Variants in STK24 observed in about 807,000 individuals in gnomAD.
STK24 encodes the protein serine/threonine-protein kinase 24.
In STK24, 21 loss-of-function variants were observed where a neutral mutation model predicts 55.6. The ratio of observed to expected loss-of-function variants is 0.38; its 90% confidence interval spans 0.27 to 0.54. The LOEUF is 0.54. Ranked by LOEUF, STK24 falls within the 20% of genes least tolerant of loss-of-function variation. The probability of loss-of-function intolerance (pLI) is 0.79; values close to 1 mark genes in which losing one functional copy is unlikely to be tolerated. For missense variants in STK24, 383 were observed against 538.4 expected, an observed-to-expected ratio of 0.71 and a Z score of 2.86; for synonymous variants, 200 against 215.2, an observed-to-expected ratio of 0.93 and a Z score of 0.62.
chr13:98,549,243 G>A (rs187520672), intron 1 of STK24, among the ~76,000 whole-genome samples: 224 of 152,278 alleles, frequency 1.5e-3, no homozygotes, highest in African/African-American at 4.5e-3. Flanking sequence ...AAACAACATC[G>A]ATTCATTGCT....
chr13:98,528,847 C>G (rs1896503646), intron 1 of STK24, among the ~76,000 whole-genome samples: 1 of 152,148 alleles, frequency 6.6e-6, no homozygotes, highest in Non-Finnish European at 1.5e-5. Context: ...TGCTCTAATA[C>G]CCGGTACTTC....
chr13:98,551,280 T>C (rs1897154358), intron 1 of STK24, among the ~76,000 whole-genome samples: 1 of 144,108 alleles, frequency 6.9e-6, no homozygotes, highest in Non-Finnish European at 1.5e-5. Context: ...AGTGAGACTC[T>C]GTCTCAAAAA....
intron 1 of STK24, among the ~76,000 whole-genome samples, chr13:98,548,332 T>C (rs913133885): frequency 6.6e-6 from 1 of 152,230 alleles, no homozygotes; most frequent in African/African-American, 2.4e-5. Context: ...TGGTGTGACC[T>C]GCAGCCTCAG....
At chr13:98,504,751 G>A (rs558775839) in intron 2 of STK24, among the ~76,000 whole-genome samples, 1 of 152,292 alleles carries the variant, frequency 6.6e-6, no homozygotes, top group African/African-American at 2.4e-5. Flanking sequence ...GGAGAGGAAG[G>A]GCTATTTTTC....
chr13:98,564,398 A>C (rs1300560582), intron 1 of STK24, among the ~76,000 whole-genome samples: 1 of 152,188 alleles, frequency 6.6e-6, no homozygotes, highest in Admixed American at 6.5e-5. Context: ...AGGCAGAGGA[A>C]GGCAAGCGGT....
At chr13:98,506,795 C>A (rs567814797) in intron 2 of STK24, among the ~76,000 whole-genome samples, 2 of 152,362 alleles carry the variant, frequency 1.3e-5, no homozygotes, top group South Asian at 4.1e-4. Context: ...TCCTGCTGAA[C>A]TACCCAATAA....
In STK24 at chr13:98,479,517, C is replaced by G. The variant is rs187437230; in HGVS notation, c.330+2748G>C. ...CCAGCTGAGGGATGCCCATGCCCAA[C>G]AGCAGACCTGGGCTCATCCCAGCCT... On this transcript the variant is annotated intron_variant, in intron 3 of 10. Coordinates refer to ENST00000539966, the MANE Select transcript of STK24 (RefSeq NM_001032296.4). Among the ~76,000 whole-genome samples the G allele has an allele frequency of 1.1e-4, 16 of 152,326 alleles. No individual in the cohort carries two copies. The East Asian group carries it at 3.1e-3, about 29-fold the overall frequency.
intron 10 of STK24, chr13:98,456,929 A>G (rs1453314613): frequency 1.0e-5 from 6 of 579,762 alleles, no homozygotes; most frequent in Non-Finnish European, 1.8e-5. Context: ...TTATGTGGCA[A>G]AAGCTACAAA....
chr13:98,505,311 C>G (rs1895644981), intron 2 of STK24, among the ~76,000 whole-genome samples: 1 of 152,216 alleles, frequency 6.6e-6, no homozygotes, highest in African/African-American at 2.4e-5. Context: ...CCAATGTTTT[C>G]CACTAAACAT....
At chr13:98,482,724 C>T (rs958602518) in intron 2 of STK24, among the ~76,000 whole-genome samples, 2 of 152,198 alleles carry the variant, frequency 1.3e-5, no homozygotes, top group East Asian at 1.9e-4. Flanking sequence ...AGAGCAGTGC[C>T]AAGGCAAGAC....
chr13:98,471,419 C>T (rs1456550605), intron 5 of STK24, among the ~76,000 whole-genome samples: 8 of 152,228 alleles, frequency 5.3e-5, no homozygotes, highest in Non-Finnish European at 1.0e-4. Context: ...CAGCCCAAGA[C>T]CTTTCTCTAG....
intron 6 of STK24, among the ~76,000 whole-genome samples, chr13:98,464,215 A>G (rs1224438266): frequency 6.6e-6 from 1 of 152,046 alleles, no homozygotes; most frequent in East Asian, 2.0e-4. Context: ...CAGGAGATCG[A>G]GACCACCCTG....
chr13:98,512,740 G>A (rs145118918), intron 2 of STK24, among the ~76,000 whole-genome samples: 1 of 152,126 alleles, frequency 6.6e-6, no homozygotes, highest in Non-Finnish European at 1.5e-5. Context: ...GGCAGGTGAG[G>A]ACCTCCAGTC....
chr13:98,477,207 C>T (rs1380996238), intron 3 of STK24, among the ~76,000 whole-genome samples: 1 of 152,218 alleles, frequency 6.6e-6, no homozygotes, highest in Admixed American at 6.5e-5. Flanking sequence ...CAGCTTTCTC[C>T]ACATCTATTT....
In STK24 at chr13:98,446,486, G is replaced by A. The variant is rs1055192546; in HGVS notation, c.*6687C>T. 2 of 648,630 alleles carry A rather than the reference G, an allele frequency of 3.1e-6. No homozygotes were observed. Among genetic ancestry groups the A allele is most frequent in the South Asian group, 1.9e-5 (1 of 52,744 alleles). The allele number at this position is 648,630 out of a possible 1,614,324, so 40.2% of individuals were successfully genotyped here. ...CTTTATCTACAGCTCAGTCCTGGCG[G>A]GACTTGCCACCCGGGCCATCACGTA... On this transcript the variant is annotated 3_prime_UTR_variant, in exon 11 of 11. Coordinates refer to ENST00000539966, the MANE Select transcript of STK24 (RefSeq NM_001032296.4).
intron 2 of STK24, 110 bp from the exon 3 acceptor site, chr13:98,482,431 A>G (rs1010300060): frequency 1.5e-5 from 9 of 618,422 alleles, no homozygotes; most frequent in Non-Finnish European, 2.3e-5. Flanking sequence ...AAAGTTTTAC[A>G]AACATGTACC....
At chr13:98,519,861 C>T (rs972581189) in intron 1 of STK24, among the ~76,000 whole-genome samples, 2 of 152,046 alleles carry the variant, frequency 1.3e-5, no homozygotes, top group Non-Finnish European at 2.9e-5. Context: ...TTCTCCATAC[C>T]CAATCCCCAA....
chr13:98,498,837 G>A (rs1895340966), intron 2 of STK24, among the ~76,000 whole-genome samples: 1 of 152,194 alleles, frequency 6.6e-6, no homozygotes, highest in South Asian at 2.1e-4. Flanking sequence ...GGGAAAACAG[G>A]ACAGAGCCAG....
intron 4 of STK24, 104 bp downstream of exon 4, chr13:98,475,146 C>T (rs969150445): frequency 3.8e-5 from 53 of 1,386,036 alleles, no homozygotes; most frequent in Middle Eastern, 1.8e-4. Flanking sequence ...GCAAGGCAAA[C>T]GTGCAGGACA....
Sources: gnomAD v4.1 joint callset for allele counts (sites outside exome capture counted in the v4.1 genomes callset) on GRCh38, gnomAD v4.1.1 for gene constraint, MANE v1.5 for transcripts, NCBI Gene and HGNC (gene_info 2026-07-23, HGNC 2026-07-21) for gene names.